RGS6: variants seen among roughly 807,000 people sequenced by gnomAD.
The protein encoded by RGS6 is regulator of G protein signaling 6.
A neutral mutation model predicts 78.5 loss-of-function variants in RGS6; 30 were observed. The ratio of observed to expected loss-of-function variants is 0.38; its 90% CI spans 0.29 to 0.52. The LOEUF is 0.52. RGS6 is among the 20% of genes least tolerant of loss of function. The pLI, the probability that RGS6 is intolerant of heterozygous loss-of-function variation, is 0.85. For missense variants in RGS6, 495 were observed against 609.7 expected, an observed-to-expected ratio of 0.81 and a Z score of 1.98; for synonymous variants, 206 against 206.0, an observed-to-expected ratio of 1.00 and a Z score of 0.00.
At chr14:72,180,891 C>T (rs2097165536) in intron 2 of RGS6, among the ~76,000 whole-genome samples, 1 of 152,212 alleles carries the variant, frequency 6.6e-6, no homozygotes, top group South Asian at 2.1e-4. Flanking sequence ...ATGCCTGTGC[C>T]ATGCTCTTGG....
intron 2 of RGS6, among the ~76,000 whole-genome samples, chr14:72,167,082 G>A (rs185833642): frequency 1.7e-4 from 26 of 152,104 alleles, no homozygotes; most frequent in East Asian, 5.8e-4. Flanking sequence ...CCCTGCTTTC[G>A]AGTCTCTGAT....
chr14:72,080,815 A>G (rs2094790563), intron 2 of RGS6, among the ~76,000 whole-genome samples: 1 of 152,020 alleles, frequency 6.6e-6, no homozygotes, highest in Non-Finnish European at 1.5e-5. Context: ...TTGTAAAAAA[A>G]TCTATTGACC....
the RGS6 span, among the ~76,000 whole-genome samples, chr14:72,606,225 C>G: frequency 6.6e-6 from 1 of 152,166 alleles, no homozygotes; most frequent in African/African-American, 2.4e-5. Flanking sequence ...CTCAGGCCAA[C>G]TCTGGGGGCT....
At chr14:72,268,233 A>G (rs912301084) in intron 2 of RGS6, among the ~76,000 whole-genome samples, 1 of 152,152 alleles carries the variant, frequency 6.6e-6, no homozygotes, top group African/African-American at 2.4e-5. Context: ...CGGGTCCCTC[A>G]TGAGGCCCTC....
chr14:72,213,497 T>C (rs1379615484), intron 2 of RGS6, among the ~76,000 whole-genome samples: 10 of 152,210 alleles, frequency 6.6e-5, no homozygotes. Context: ...AAATACTTAC[T>C]AATTTGATTT....
intron 2 of RGS6, among the ~76,000 whole-genome samples, chr14:72,095,563 T>A (rs2095384225): frequency 6.6e-6 from 1 of 152,192 alleles, no homozygotes; most frequent in African/African-American, 2.4e-5. Context: ...TGTAACAGTG[T>A]CACGTTGGCT....
chr14:71,995,944 CT>C (rs1384544666), intron 2 of RGS6, among the ~76,000 whole-genome samples: 1 of 152,072 alleles, frequency 6.6e-6, no homozygotes, highest in Non-Finnish European at 1.5e-5. Context: ...GCCGAGTCCC[CT>C]GTGCTTTCTG....
chr14:72,039,088 A>G (rs2092088944), intron 2 of RGS6, among the ~76,000 whole-genome samples: 1 of 152,226 alleles, frequency 6.6e-6, no homozygotes, highest in Non-Finnish European at 1.5e-5. Context: ...TTTTGTAGCA[A>G]ATCTACATTT....
In RGS6 at chr14:72,399,307, G is replaced by A. The variant is rs111276524; in HGVS notation, c.184+47113G>A. 7.3e-3 allele frequency among the ~76,000 whole-genome samples: 1,104 copies of A among 152,170 alleles called. 14 individuals carry two copies. The highest frequency in any genetic ancestry group is 0.026 in the African/African-American group (1,061 of 41,516). On this transcript the variant is annotated intron_variant, in intron 3 of 17. Transcript: ENST00000553525. ...TGTAATGGCCTTCTTTGTCTCTTTTGATCTTTGTTGATTTAAAGTCTGTTT... is the reference window on the plus strand; with the variant it reads ...TGTAATGGCCTTCTTTGTCTCTTTTAATCTTTGTTGATTTAAAGTCTGTTT...
chr14:72,517,880 C>G (rs1373187076), intron 14 of RGS6, among the ~76,000 whole-genome samples: 1 of 152,168 alleles, frequency 6.6e-6, no homozygotes, highest in African/African-American at 2.4e-5. Flanking sequence ...CACTGGGGTT[C>G]TCAACCAGGA....
chr14:72,193,911 T>C (rs749524888), intron 2 of RGS6, among the ~76,000 whole-genome samples: 5 of 150,952 alleles, frequency 3.3e-5, no homozygotes, highest in African/African-American at 4.9e-5. Context: ...CAGGAGGGAG[T>C]TCATGCTGCT....
chr14:72,464,597 TTC>T (rs1441450016), intron 6 of RGS6: 1 of 152,222 alleles, frequency 6.6e-6, no homozygotes, highest in Non-Finnish European at 1.5e-5. Flanking sequence ...TGATCACAGG[TTC>T]TCTCTGGCCC....
chr14:72,550,468 G>A (rs1447327781), intron 17 of RGS6: 2 of 1,535,668 alleles, frequency 1.3e-6, no homozygotes, highest in Non-Finnish European at 1.7e-6. Context: ...AAGACAGACT[G>A]TCAAGCAAGG....
At chr14:71,934,334 T>G (rs1370677583) in intron 1 of RGS6, among the ~76,000 whole-genome samples, 1 of 152,228 alleles carries the variant, frequency 6.6e-6, no homozygotes, top group Non-Finnish European at 1.5e-5. Flanking sequence ...TAACTCATCC[T>G]TTCCTGAAAG....
intron 2 of RGS6, among the ~76,000 whole-genome samples, chr14:72,196,854 G>A (rs1158576316): frequency 3.9e-5 from 6 of 152,272 alleles, no homozygotes; most frequent in East Asian, 3.9e-4. Flanking sequence ...TGATGTAGCC[G>A]CTTCATGCTA....
intron 2 of RGS6, among the ~76,000 whole-genome samples, chr14:72,125,499 C>G (rs958759570): frequency 4.6e-5 from 7 of 152,096 alleles, no homozygotes; most frequent in Admixed American, 1.3e-4. Flanking sequence ...ATCACTGAGA[C>G]AACAAGCTTT....
chr14:72,397,450 C>T (rs1405202420), intron 3 of RGS6, among the ~76,000 whole-genome samples: 1 of 151,822 alleles, frequency 6.6e-6, no homozygotes, highest in African/African-American at 2.4e-5. Flanking sequence ...AGATTTTGGG[C>T]TGAGACGATG....
chr14:72,345,387 C>T (rs1596055672), intron 2 of RGS6, among the ~76,000 whole-genome samples: 1 of 152,176 alleles, frequency 6.6e-6, no homozygotes, highest in African/African-American at 2.4e-5. Flanking sequence ...TAAACAGATA[C>T]AGTGATTCAA....
At chr14:72,477,609 A>G (rs1352270237) in intron 11 of RGS6, among the ~76,000 whole-genome samples, 4 of 152,024 alleles carry the variant, frequency 2.6e-5, no homozygotes, top group Non-Finnish European at 5.9e-5. Flanking sequence ...AGGCTGACCA[A>G]TATGATGAAA....
Sources: allele counts gnomAD v4.1 joint callset (sites outside exome capture counted in the v4.1 genomes callset), GRCh38; gene constraint gnomAD v4.1.1; transcripts MANE v1.5; gene names NCBI Gene and HGNC (gene_info 2026-07-23, HGNC 2026-07-21).